CATSPERT: variants seen among roughly 807,000 people sequenced by gnomAD.
CATSPERT encodes catsper channel auxiliary subunit tau.
chr2:201,499,569 C>T, the CATSPERT span, among the ~76,000 whole-genome samples: 24 of 152,086 alleles, frequency 1.6e-4, no homozygotes, highest in Non-Finnish European at 2.6e-4. Flanking sequence ...TGCAGTGGCT[C>T]ACACCTGTAA....
chr2:201,564,434 A>G, the CATSPERT span, among the ~76,000 whole-genome samples: 1 of 42,112 alleles, frequency 2.4e-5, no homozygotes, highest in African/African-American at 7.2e-5. Flanking sequence ...AAACTAAGAG[A>G]AAAAAACCAA....
chr2:201,535,819 T>C, the CATSPERT span: 4 of 1,441,680 alleles, frequency 2.8e-6, no homozygotes, highest in African/African-American at 1.4e-5. Context: ...ATACTTCTAA[T>C]ATAAGGGCAG....
the CATSPERT span, among the ~76,000 whole-genome samples, chr2:201,603,441 C>T: frequency 6.0e-4 from 92 of 152,162 alleles, no homozygotes; most frequent in Admixed American, 2.0e-3. Flanking sequence ...TAGAAATCAT[C>T]GGAAAGCAGA....
the CATSPERT span, among the ~76,000 whole-genome samples, chr2:201,592,588 TC>T: frequency 6.6e-6 from 1 of 151,288 alleles, no homozygotes; most frequent in Admixed American, 6.6e-5. Context: ...CTGGTAGAAT[TC>T]GGCTGTGAAT....
At chr2:201,537,293 A>G in the CATSPERT span, 1 of 587,890 alleles carries the variant, frequency 1.7e-6, no homozygotes, top group Non-Finnish European at 2.9e-6. Context: ...GTAACTATAC[A>G]GATATTGCCA....
chr2:201,592,130 G>A, the CATSPERT span, among the ~76,000 whole-genome samples: 8 of 152,040 alleles, frequency 5.3e-5, no homozygotes, highest in African/African-American at 1.7e-4. Flanking sequence ...GTTTGTCATA[G>A]ATAGCTCTTA....
At chr2:201,490,613 A>C in the CATSPERT span, among the ~76,000 whole-genome samples, 1 of 152,136 alleles carries the variant, frequency 6.6e-6, no homozygotes, top group Admixed American at 6.5e-5. Flanking sequence ...GGGTTGGGGG[A>C]GGGGTGCCAC....
the CATSPERT span, among the ~76,000 whole-genome samples, chr2:201,490,250 G>C: frequency 1.3e-5 from 2 of 152,190 alleles, no homozygotes; most frequent in African/African-American, 4.8e-5. Flanking sequence ...GAAAAGACTA[G>C]AAGTTAAATT....
At chr2:201,492,491 C>T in the CATSPERT span, 2 of 1,535,214 alleles carry the variant, frequency 1.3e-6, no homozygotes, top group South Asian at 1.2e-5. Context: ...CCAAAACTCC[C>T]CTTTGAAATA....
the CATSPERT span, chr2:201,575,147 TCAAA>T: frequency 4.4e-6 from 3 of 676,576 alleles, no homozygotes; most frequent in Non-Finnish European, 6.9e-6. Context: ...TTCTACTATT[TCAAA>T]CAGTGACTGG....
chr2:201,545,200 G>A, the CATSPERT span, among the ~76,000 whole-genome samples: 63,072 of 151,166 alleles, frequency 0.42, 13,795 homozygotes, highest in East Asian at 0.75. Flanking sequence ...ACCGCGCCTG[G>A]CTAATTTTTT....
chr2:201,514,971 TGATGCTAGGACCAGGTCA>T, the CATSPERT span, among the ~76,000 whole-genome samples: 1 of 152,046 alleles, frequency 6.6e-6, no homozygotes, highest in African/African-American at 2.4e-5. Context: ...AAAACCAAAA[TGATGCTAGGACCAGGTCA>T]GATGCACCCC....
chr2:201,545,609 C>T, the CATSPERT span: 1 of 909,200 alleles, frequency 1.1e-6, no homozygotes, highest in Non-Finnish European at 1.5e-6. Context: ...GATGCCTCAT[C>T]TATATTAGTT....
the CATSPERT span, among the ~76,000 whole-genome samples, chr2:201,519,538 A>G: frequency 6.6e-6 from 1 of 152,166 alleles, no homozygotes; most frequent in East Asian, 1.9e-4. Flanking sequence ...AAAATTCCAG[A>G]AAAATATTCA....
the CATSPERT span, chr2:201,537,474 G>A: frequency 6.3e-7 from 1 of 1,584,020 alleles, no homozygotes; most frequent in Non-Finnish European, 8.6e-7. Flanking sequence ...TTTACAAGAG[G>A]GATATCTGCT....
chr2:201,517,004 G>A, the CATSPERT span, among the ~76,000 whole-genome samples: 2 of 150,112 alleles, frequency 1.3e-5, no homozygotes, highest in African/African-American at 2.5e-5. Context: ...CCCTGCCTCC[G>A]GAAAGCTCCC....
the CATSPERT span, chr2:201,557,653 G>GC: frequency 2.0e-5 from 3 of 152,146 alleles, no homozygotes; most frequent in Non-Finnish European, 4.4e-5. Context: ...CTATTAATCT[G>GC]CTTTTCACCT....
the CATSPERT span, among the ~76,000 whole-genome samples, chr2:201,604,302 G>C: frequency 2.6e-5 from 4 of 152,070 alleles, no homozygotes; most frequent in East Asian, 3.9e-4. Context: ...TAAAATTACT[G>C]ATTCCCAGGC....
chr2:201,495,678 C>T, the CATSPERT span, among the ~76,000 whole-genome samples: 1 of 139,968 alleles, frequency 7.1e-6, no homozygotes, highest in African/African-American at 2.8e-5. Context: ...AATTAAGAAT[C>T]CCCTTGGTTT....
Sources: allele counts gnomAD v4.1 joint callset (sites outside exome capture counted in the v4.1 genomes callset), GRCh38; gene constraint gnomAD v4.1.1; transcripts MANE v1.5; gene names NCBI Gene and HGNC (gene_info 2026-07-23, HGNC 2026-07-21).